The following FCHSD2 variants were observed in gnomAD, a reference collection of about 807,000 sequenced individuals.
FCHSD2 encodes the protein FCH and double SH3 domains 2.
FCHSD2 carries 38 observed loss-of-function variants against 108.1 expected under a neutral mutation model. That is an observed-to-expected ratio of 0.35 (90% CI 0.27 to 0.46). The LOEUF (loss-of-function observed/expected upper bound fraction) is 0.46, where lower values mean the gene tolerates loss of function less well. Ranked by LOEUF, FCHSD2 falls within the 20% of genes least tolerant of loss-of-function variation. The pLI is 1.00. For missense variants in FCHSD2, 751 were observed against 897.8 expected (o/e 0.84, Z 2.09); for synonymous variants, 279 against 314.7 (o/e 0.89, Z 1.20).
At chr11:72,972,100 T>A (rs1857017679) in intron 8 of FCHSD2, among the ~76,000 whole-genome samples, 1 of 152,190 alleles carries the variant, frequency 6.6e-6, no homozygotes, top group Admixed American at 6.5e-5. Flanking sequence ...TTCTTATGCC[T>A]CTTGTCACCC....
intron 2 of FCHSD2, among the ~76,000 whole-genome samples, chr11:73,118,808 T>C (rs1860664339): frequency 6.6e-6 from 1 of 152,164 alleles, no homozygotes; most frequent in Admixed American, 6.5e-5. Flanking sequence ...CTATTACCAT[T>C]TCTGTTTTAC....
chr11:73,007,093 T>A (rs952734990), intron 4 of FCHSD2, among the ~76,000 whole-genome samples: 3 of 152,236 alleles, frequency 2.0e-5, no homozygotes, highest in Admixed American at 6.5e-5. Context: ...TATTTTCTTA[T>A]CATTTTTGTT....
At chr11:73,040,877 C>A (rs78059239) in intron 3 of FCHSD2, among the ~76,000 whole-genome samples, 1 of 152,094 alleles carries the variant, frequency 6.6e-6, no homozygotes, top group African/African-American at 2.4e-5. Flanking sequence ...TCAACCTTCC[C>A]ACAAACTGCT....
At chr11:73,103,940 A>G (rs1385420963) in intron 2 of FCHSD2, among the ~76,000 whole-genome samples, 2 of 152,308 alleles carry the variant, frequency 1.3e-5, no homozygotes, top group African/African-American at 4.8e-5. Flanking sequence ...TTCTTTTGCA[A>G]TGTCTGAAAC....
chr11:72,900,220 T>TGCCAAA, intron 10 of FCHSD2: 4 of 886,378 alleles, frequency 4.5e-6, no homozygotes, highest in East Asian at 2.8e-5. Context: ...AACCCACACT[T>TGCCAAA]CCCATCCCTC....
chr11:73,103,645 A>C (rs553599387), intron 2 of FCHSD2, among the ~76,000 whole-genome samples: 1 of 152,356 alleles, frequency 6.6e-6, no homozygotes, highest in South Asian at 2.1e-4. Flanking sequence ...AAATGAACCT[A>C]TGTAAAACCT....
chr11:72,977,903 G>T (rs1258735772), intron 8 of FCHSD2, among the ~76,000 whole-genome samples: 1 of 152,178 alleles, frequency 6.6e-6, no homozygotes, highest in African/African-American at 2.4e-5. Context: ...GCAAAGACTT[G>T]GAACCAACCC....
intron 3 of FCHSD2, among the ~76,000 whole-genome samples, chr11:73,018,961 T>C (rs1482799482): frequency 5.3e-5 from 8 of 152,166 alleles, no homozygotes. Flanking sequence ...AGAATTCAAA[T>C]AACTCATTAT....
intron 2 of FCHSD2, among the ~76,000 whole-genome samples, chr11:73,132,774 T>C (rs972968740): frequency 1.1e-4 from 15 of 140,232 alleles, no homozygotes; most frequent in African/African-American, 3.7e-4. Flanking sequence ...CAGTGAGCCA[T>C]GACCATGCCC....
At chr11:73,059,020 T>C (rs1032759202) in intron 3 of FCHSD2, among the ~76,000 whole-genome samples, 4 of 152,194 alleles carry the variant, frequency 2.6e-5, no homozygotes, top group African/African-American at 9.7e-5. Flanking sequence ...TCATCCCATT[T>C]TAGTTTTTAA....
intron 9 of FCHSD2, among the ~76,000 whole-genome samples, chr11:72,908,322 G>C (rs914435868): frequency 7.7e-6 from 1 of 129,852 alleles, no homozygotes; most frequent in Non-Finnish European, 1.6e-5. Flanking sequence ...TGGCTATTGT[G>C]AATAGTGCTG....
At chr11:72,949,017 G>A (rs1856573442) in intron 8 of FCHSD2, among the ~76,000 whole-genome samples, 1 of 152,100 alleles carries the variant, frequency 6.6e-6, no homozygotes, top group Admixed American at 6.6e-5. Flanking sequence ...ACAGTCACTA[G>A]TCTTATTTTT....
chr11:73,041,828 T>G (rs774287202), intron 3 of FCHSD2, among the ~76,000 whole-genome samples: 64 of 152,224 alleles, frequency 4.2e-4, no homozygotes, highest in Non-Finnish European at 4.3e-4. Context: ...ATAAAATTTT[T>G]GCCTAGGCCA....
chr11:72,930,500 C>A (rs946905351), intron 8 of FCHSD2, among the ~76,000 whole-genome samples: 2 of 152,106 alleles, frequency 1.3e-5, no homozygotes, highest in African/African-American at 4.8e-5. Flanking sequence ...ACCTGTAATC[C>A]CAGCACTTTG....
At chr11:72,965,008 C>T (rs1478564174) in intron 8 of FCHSD2, among the ~76,000 whole-genome samples, 1 of 152,026 alleles carries the variant, frequency 6.6e-6, no homozygotes, top group African/African-American at 2.4e-5. Flanking sequence ...CCAGGATGGT[C>T]TCAATTTCCC....
At chr11:72,888,524 GT>G (rs1426864093) in intron 11 of FCHSD2, among the ~76,000 whole-genome samples, 1 of 152,086 alleles carries the variant, frequency 6.6e-6, no homozygotes, top group Non-Finnish European at 1.5e-5. Flanking sequence ...ACGGATATAG[GT>G]ATCAATAAAT....
intron 2 of FCHSD2, among the ~76,000 whole-genome samples, chr11:73,100,396 T>C (rs1860195662): frequency 6.6e-6 from 1 of 152,018 alleles, no homozygotes; most frequent in African/African-American, 2.4e-5. Context: ...GGAGTTTCAC[T>C]CTTGTTGCCC....
chr11:72,907,743 A>G (rs1193993564), intron 9 of FCHSD2, among the ~76,000 whole-genome samples: 1 of 150,696 alleles, frequency 6.6e-6, no homozygotes, highest in Non-Finnish European at 1.5e-5. Context: ...GGCACCCGCC[A>G]CCACGCCTGG....
chr11:72,956,089 A>T (rs1856705556), intron 8 of FCHSD2, among the ~76,000 whole-genome samples: 1 of 152,192 alleles, frequency 6.6e-6, no homozygotes, highest in South Asian at 2.1e-4. Context: ...GTGCTCAGAG[A>T]ACAATGGGGA....
Sources: allele counts gnomAD v4.1 joint callset (sites outside exome capture counted in the v4.1 genomes callset), GRCh38; gene constraint gnomAD v4.1.1; transcripts MANE v1.5; gene names NCBI Gene and HGNC (gene_info 2026-07-23, HGNC 2026-07-21).